ZNF462: variants seen among roughly 807,000 people sequenced by gnomAD.
The protein encoded by ZNF462 is zinc finger protein 462.
In ZNF462, 10 loss-of-function variants were observed where a neutral mutation model predicts 201.9. The observed-to-expected ratio is 0.05, with a 90% CI of 0.03 to 0.08. ZNF462 has a LOEUF of 0.08. ZNF462 is among the 10% of genes least tolerant of loss of function. The pLI is 1.00. For missense variants in ZNF462, 2,523 were observed against 3,168.3 expected (o/e 0.80, Z 4.89); for synonymous variants, 1,227 against 1,193.3 (o/e 1.03, Z -0.58).
At chr9:106,874,767 CTGAAG>C (rs1334574430) in intron 1 of ZNF462, among the ~76,000 whole-genome samples, 6 of 152,178 alleles carry the variant, frequency 3.9e-5, no homozygotes, top group African/African-American at 1.4e-4. Flanking sequence ...GGCCTGAGAA[CTGAAG>C]TGGTGTTGAA....
rs562151183 is a variant in ZNF462 at position 106,923,037 on chromosome 9, T to C, written c.-30-317T>C. Among the ~76,000 whole-genome samples, 7 of 152,342 alleles carry C rather than the reference T, an allele frequency of 4.6e-5. No homozygotes were observed. Among genetic ancestry groups the C allele is most frequent in the African/African-American group, 1.7e-4 (7 of 41,574 alleles). On this transcript the variant is annotated intron_variant, in intron 1 of 12. Transcript: ENST00000277225. This position sits in a 1 kb window ranked among gnomAD's most constrained non-coding sequence, Gnocchi z 5.6. ...GCCAACATTAAGTTACCAAGAAATT[T>C]GGATTCAGTGGAGAAGCTCAGAAAC...
At chr9:106,901,541 T>C (rs560199803) in intron 1 of ZNF462, among the ~76,000 whole-genome samples, 1 of 152,182 alleles carries the variant, frequency 6.6e-6, no homozygotes, top group Non-Finnish European at 1.5e-5. Context: ...ATTCTACCCA[T>C]CCATGAGCAT....
In ZNF462 at chr9:106,932,152, A is replaced by G; in HGVS notation, c.6013-294A>G. 6.8e-7 allele frequency: 1 copy of G among 1,464,118 alleles called. No homozygotes were observed. Among genetic ancestry groups the G allele is most frequent in the Non-Finnish European group, 9.1e-7 (1 of 1,104,060 alleles). 90.7% of individuals were successfully genotyped at this position (1,464,118 alleles called of 1,614,324 possible). ...GAGAGGCAGGGGAGGAAGCTTTGAC[A>G]AGAAGTGCTGTTGAGTTTGGGAGAA... On this transcript the variant is annotated intron_variant, in intron 4 of 12. Coordinates refer to ENST00000277225, the MANE Select transcript of ZNF462 (RefSeq NM_021224.6). This position sits in a 1 kb window ranked among gnomAD's most constrained non-coding sequence, Gnocchi z 6.8.
intron 1 of ZNF462, among the ~76,000 whole-genome samples, chr9:106,887,415 C>T (rs1473778911): frequency 6.6e-6 from 1 of 152,154 alleles, no homozygotes; most frequent in Non-Finnish European, 1.5e-5. Flanking sequence ...CATAATTTGC[C>T]CAGGATAATA....
chr9:106,909,310 T>C (rs1187755753), intron 1 of ZNF462, among the ~76,000 whole-genome samples: 1 of 152,112 alleles, frequency 6.6e-6, no homozygotes, highest in African/African-American at 2.4e-5. Context: ...TAAGTTTTTT[T>C]TCCAATTCTA....
chr9:106,902,261 G>T lies in ZNF462; in HGVS notation c.-30-21093G>T, dbSNP rs1438764988. Among the ~76,000 whole-genome samples the T allele has an allele frequency of 6.6e-6, 1 of 152,138 alleles. No homozygotes were observed. The highest frequency in any genetic ancestry group is 1.9e-4 in the East Asian group (1 of 5,190). On this transcript the variant is annotated intron_variant, in intron 1 of 12. Transcript: ENST00000277225. The surrounding 1 kb of genome is among the most constrained non-coding windows in gnomAD (Gnocchi z 4.2). ...ATGTTAAACCATCCCTGCATCCCTGGTATGAAACCCACTTGATCATGGTGG... is the reference window on the plus strand; with the variant it reads ...ATGTTAAACCATCCCTGCATCCCTGTTATGAAACCCACTTGATCATGGTGG...
Position 106,935,296 on chromosome 9 carries a change from G to C in ZNF462, c.6117-207G>C, listed in dbSNP as rs1488918840. Among the ~76,000 whole-genome samples, 5 of 151,984 alleles carry C rather than the reference G, an allele frequency of 3.3e-5. No homozygotes were observed. The highest frequency in any genetic ancestry group is 7.4e-5 in the Non-Finnish European group (5 of 68,016). The stretch of plus-strand genomic sequence containing the variant: ...ATCTCTAAATCCAAAAAAAACTCTT[G>C]ATCTCTTCCTTTAGCTTCCTGTCCT... On this transcript the variant is annotated intron_variant, in intron 5 of 12. Transcript: ENST00000277225. This position sits in a 1 kb window ranked among gnomAD's most constrained non-coding sequence, Gnocchi z 4.1.
chr9:106,874,358 A>G (rs570813565), intron 1 of ZNF462, among the ~76,000 whole-genome samples: 1 of 152,166 alleles, frequency 6.6e-6, no homozygotes, highest in African/African-American at 2.4e-5. Flanking sequence ...TTTCCTTTTA[A>G]TTCTTTGAGG....
chr9:106,961,923 G>T (rs972189935), intron 7 of ZNF462, among the ~76,000 whole-genome samples: 1 of 151,940 alleles, frequency 6.6e-6, no homozygotes, highest in African/African-American at 2.4e-5. Flanking sequence ...CAATGCAGGG[G>T]GAAAAGGCAT....
Position 106,924,991 on chromosome 9 carries a change from C to G in ZNF462, c.1079C>G (p.Thr360Arg). ...SPHNSGLVNL[T>R]ERSRYGMTDM... ...CACAATTCTGGTCTAGTTAACTTGA[C>G]AGAGAGATCCCGTTATGGAATGACT... The change falls in exon 3 of 13, where the codon ACA becomes AGA. Residue 360 changes from threonine to arginine, a missense_variant. Thr to Arg is a moderately conservative substitution (Grantham distance 71). This residue lies in a region of ZNF462 where 480 missense variants were observed against 544.4 expected (regional missense o/e 0.88). Transcript: ENST00000277225. This position sits in a 1 kb window ranked among gnomAD's most constrained non-coding sequence, Gnocchi z 6.2. 1.2e-6 allele frequency: 2 copies of G among 1,614,204 alleles called. No homozygotes were observed. Among genetic ancestry groups the G allele is most frequent in the Non-Finnish European group, 1.7e-6 (2 of 1,180,038 alleles).
At position 107,008,418 on chromosome 9, in the gene ZNF462, C is replaced by T. The variant is rs990835274; in HGVS notation, c.7190-1127C>T. Among the ~76,000 whole-genome samples, 2 of 152,192 alleles carry T rather than the reference C, an allele frequency of 1.3e-5. No individual in the cohort carries two copies. The highest frequency in any genetic ancestry group is 1.5e-5 in the Non-Finnish European group (1 of 68,044). ...ACAGAGCCCCCCATCCTGTTAACAT[C>T]GTCCTGAGAATCTTATTAGATGGGG... is the stretch of plus-strand genomic sequence containing the variant. On this transcript the variant is annotated intron_variant, in intron 11 of 12. Coordinates refer to ENST00000277225, the MANE Select transcript of ZNF462 (RefSeq NM_021224.6). This position sits in a 1 kb window ranked among gnomAD's most constrained non-coding sequence, Gnocchi z 4.8.
intron 7 of ZNF462, among the ~76,000 whole-genome samples, chr9:106,951,366 G>A (rs1157667380): frequency 6.6e-6 from 1 of 152,148 alleles, no homozygotes. Flanking sequence ...ATAAGAGTTG[G>A]AGAACTTGAG....
intron 1 of ZNF462, among the ~76,000 whole-genome samples, chr9:106,892,261 G>A (rs1471767805): frequency 6.6e-6 from 1 of 152,136 alleles, no homozygotes; most frequent in African/African-American, 2.4e-5. Flanking sequence ...CTTTCCTTTT[G>A]TTCTATAATA....
At chr9:106,867,903 T>C (rs552487020) in intron 1 of ZNF462, among the ~76,000 whole-genome samples, 1 of 152,300 alleles carries the variant, frequency 6.6e-6, no homozygotes, top group East Asian at 1.9e-4. Flanking sequence ...TCTAAATTGA[T>C]AATTGGAGAA....
At chr9:106,908,236 A>G (rs954885858) in intron 1 of ZNF462, among the ~76,000 whole-genome samples, 2 of 152,102 alleles carry the variant, frequency 1.3e-5, no homozygotes, top group Non-Finnish European at 2.9e-5. Flanking sequence ...AGTTCTATGA[A>G]TTACATGAAT....
chr9:106,942,498 A>G (rs755526894), intron 7 of ZNF462, among the ~76,000 whole-genome samples: 2 of 152,186 alleles, frequency 1.3e-5, no homozygotes, highest in Non-Finnish European at 2.9e-5. Flanking sequence ...CAACGGCTCT[A>G]TGGTATTGGT....
In ZNF462 at chr9:106,924,102, CT is replaced by C; in HGVS notation, c.221-28del. The C allele has an allele frequency of 6.6e-7, 1 of 1,523,226 alleles. No individual in the cohort carries two copies. Among genetic ancestry groups the C allele is most frequent in the African/African-American group, 1.4e-5 (1 of 71,920 alleles). 94.4% of individuals were successfully genotyped at this position (1,523,226 alleles called of 1,614,324 possible). The stretch of plus-strand genomic sequence containing the variant: ...GATTGGATATTTTAATTATCTTTTG[CT>C]TTGTCACTTTCCTTATGCTTTTTCT... On this transcript the variant is annotated intron_variant, in intron 2 of 12. Transcript: ENST00000277225. The surrounding 1 kb of genome is among the most constrained non-coding windows in gnomAD (Gnocchi z 6.2).
intron 1 of ZNF462, among the ~76,000 whole-genome samples, chr9:106,875,457 A>G (rs1827789213): frequency 6.6e-6 from 1 of 152,230 alleles, no homozygotes; most frequent in African/African-American, 2.4e-5. Flanking sequence ...TTTATAAGGC[A>G]TAATCTTAAA....
intron 10 of ZNF462, among the ~76,000 whole-genome samples, chr9:106,994,635 G>C (rs1462863872): frequency 6.6e-6 from 1 of 152,102 alleles, no homozygotes; most frequent in Non-Finnish European, 1.5e-5. Flanking sequence ...ATGCAGTTCT[G>C]CTTCTTGGTT....
Sources: allele counts gnomAD v4.1 joint callset (sites outside exome capture counted in the v4.1 genomes callset), GRCh38; gene constraint gnomAD v4.1.1; regional missense constraint gnomAD v4.1.1; non-coding constraint Gnocchi (gnomAD v3.1); transcripts MANE v1.5; gene names NCBI Gene and HGNC (gene_info 2026-07-23, HGNC 2026-07-21).